The following ESRRB variants were observed in gnomAD, a reference collection of about 807,000 sequenced individuals.
ESRRB encodes the protein steroid hormone receptor ERR2.
ESRRB carries 16 observed loss-of-function variants against 46.0 expected under a neutral mutation model. The ratio of observed to expected loss-of-function variants is 0.35; its 90% confidence interval spans 0.24 to 0.53. The LOEUF is 0.53. Among genes scored for constraint, ESRRB ranks in the 20% least tolerant of loss-of-function variants. ESRRB has a pLI of 0.93. For synonymous variants in ESRRB, 246 were observed against 259.6 expected (o/e 0.95, Z 0.50); for missense variants, 488 against 607.4 (o/e 0.80, Z 2.07).
chr14:76,379,923 A>G (rs528938475), intron 1 of ESRRB, among the ~76,000 whole-genome samples: 103 of 150,172 alleles, frequency 6.9e-4, no homozygotes, highest in African/African-American at 2.4e-3. Flanking sequence ...TTTTTATTCT[A>G]TTGATTTGGA....
chr14:76,314,998 G>C (rs1327398071), intron 1 of ESRRB, among the ~76,000 whole-genome samples: 5 of 151,968 alleles, frequency 3.3e-5, no homozygotes, highest in Non-Finnish European at 5.9e-5. Flanking sequence ...GTTTCACGTG[G>C]GCCTTTTTTC....
chr14:76,337,337 C>T (rs1052978912), intron 1 of ESRRB, among the ~76,000 whole-genome samples: 3 of 152,036 alleles, frequency 2.0e-5, no homozygotes, highest in African/African-American at 4.8e-5. Context: ...TTGGAGCTGC[C>T]GTGGGTGTTG....
In ESRRB at chr14:76,376,396, G is replaced by GGACT. The variant is rs2139789372; in HGVS notation, c.-3_1dup. ...TCTACCAACTGGGAATGCTAAAACG[G>GGACT]GACTGATGGACGTGTCCGAACTCTG... On this transcript the variant is annotated 5_prime_UTR_variant, in exon 1 of 7. It introduces an in-frame stop codon into an upstream open reading frame of the 5' UTR. Coordinates refer to ENST00000644823, the MANE Select transcript of ESRRB (RefSeq NM_001379180.1). The surrounding 1 kb of genome is among the most constrained non-coding windows in gnomAD (Gnocchi z 4.1). 2 of 1,231,648 alleles carry GGACT rather than the reference G, an allele frequency of 1.6e-6. No individual in the cohort carries two copies. Among genetic ancestry groups the GGACT allele is most frequent in the South Asian group, 8.2e-5 (2 of 24,310 alleles). The allele number at this position is 1,231,648 out of a possible 1,614,324, so 76.3% of individuals were successfully genotyped here.
At chr14:76,352,814 C>A (rs1026059915) in intron 1 of ESRRB, among the ~76,000 whole-genome samples, 1 of 152,250 alleles carries the variant, frequency 6.6e-6, no homozygotes, top group Non-Finnish European at 1.5e-5. Context: ...GAACTCCGGG[C>A]TTTCTGGGAA....
intron 3 of ESRRB, among the ~76,000 whole-genome samples, chr14:76,474,857 T>C (rs990005984): frequency 3.4e-5 from 5 of 146,996 alleles, no homozygotes; most frequent in Non-Finnish European, 7.5e-5. Flanking sequence ...AAACAAACCA[T>C]TATGTAATCA....
At position 76,500,229 on chromosome 14, in the gene ESRRB, T is replaced by C. The variant is rs936483836; in HGVS notation, c.*1771T>C. ...AAACTGCAGAGCAGCTCTCTGATGGTGTCCCACACAGAAAATGTTAAGGAT... is the reference window on the plus strand; with the variant it reads ...AAACTGCAGAGCAGCTCTCTGATGGCGTCCCACACAGAAAATGTTAAGGAT... On this transcript the variant is annotated 3_prime_UTR_variant, in exon 7 of 7. Coordinates refer to ENST00000644823, the MANE Select transcript of ESRRB (RefSeq NM_001379180.1). 4.2e-5 allele frequency: 26 copies of C among 625,724 alleles called. No individual in the cohort carries two copies. Among genetic ancestry groups the C allele is most frequent in the Non-Finnish European group, 5.6e-6 (2 of 356,794 alleles). 38.8% of individuals were successfully genotyped at this position (625,724 alleles called of 1,614,324 possible).
chr14:76,369,187 A>T (rs1884562432), upstream of ESRRB, among the ~76,000 whole-genome samples: 1 of 127,126 alleles, frequency 7.9e-6, no homozygotes, highest in Non-Finnish European at 1.9e-5. Flanking sequence ...CATCTCAAAA[A>T]AAAGAAAAAA....
rs113701359 is a variant in ESRRB, at chr14:76,310,907, C to T, written c.-8C>T. 1,612 of 454,546 alleles carry T rather than the reference C, an allele frequency of 3.5e-3. 21 individuals are homozygous for T. Among genetic ancestry groups the T allele is most frequent in the African/African-American group, 0.024 (1,182 of 49,834 alleles). 28.2% of individuals were successfully genotyped at this position (454,546 alleles called of 1,614,324 possible). A position where few individuals can be genotyped will look rare whatever the true frequency, so the allele number is the denominator to read the frequency against. The stretch of plus-strand genomic sequence containing the variant: ...GCCCAGTCCTCGTCCTCCACGCCAG[C>T]CCCAAGCATGTGAGTAACCCAACTT... On this transcript the variant is annotated 5_prime_UTR_variant, in exon 1 of 7. Coordinates refer to the ESRRB transcript ENST00000512784.
chr14:76,379,860 C>A (rs1278882741), intron 1 of ESRRB, among the ~76,000 whole-genome samples: 256 of 126,838 alleles, frequency 2.0e-3, no homozygotes, highest in African/African-American at 2.3e-3. Context: ...AGATCTGTTC[C>A]AAAAAAAAAA....
upstream of ESRRB, among the ~76,000 whole-genome samples, chr14:76,373,482 TG>T (rs1884671731): frequency 6.6e-6 from 1 of 152,100 alleles, no homozygotes; most frequent in Non-Finnish European, 1.5e-5. Flanking sequence ...ACCCTGGCTT[TG>T]GGAAGGAATC....
chr14:76,496,360 ACT>A (rs1397535659), intron 6 of ESRRB, among the ~76,000 whole-genome samples: 2 of 152,068 alleles, frequency 1.3e-5, no homozygotes, highest in African/African-American at 4.8e-5. Context: ...GGGGAGGTAG[ACT>A]CTGAGTGGGG....
chr14:76,483,804 G>C (rs1889900029), intron 5 of ESRRB, among the ~76,000 whole-genome samples: 1 of 152,200 alleles, frequency 6.6e-6, no homozygotes, highest in South Asian at 2.1e-4. Flanking sequence ...GATTACAGCA[G>C]ACGATACAGC....
intron 3 of ESRRB, among the ~76,000 whole-genome samples, chr14:76,474,481 C>CTAAAATGCCA (rs1889495400): frequency 6.6e-6 from 1 of 152,200 alleles, no homozygotes; most frequent in African/African-American, 2.4e-5. Flanking sequence ...AAATATACGT[C>CTAAAATGCCA]AAGTACAACT....
intron 1 of ESRRB, chr14:76,407,557 A>C (rs765198344): frequency 4.1e-6 from 4 of 985,740 alleles, no homozygotes; most frequent in Non-Finnish European, 4.8e-6. Context: ...GAGGTGATCC[A>C]GTGATTTGGG....
At chr14:76,413,830 C>T (rs1311634564) in intron 1 of ESRRB, among the ~76,000 whole-genome samples, 1 of 148,532 alleles carries the variant, frequency 6.7e-6, no homozygotes, top group African/African-American at 2.5e-5. Context: ...CGCACCGTCC[C>T]CCACCCCGTA....
intron 3 of ESRRB, among the ~76,000 whole-genome samples, chr14:76,475,089 C>G (rs1056896068): frequency 6.6e-6 from 1 of 151,826 alleles, no homozygotes; most frequent in East Asian, 1.9e-4. Context: ...AAAAAATTAT[C>G]TGGGTGTCAT....
chr14:76,501,460 A>G lies in ESRRB; in HGVS notation c.*3002A>G, dbSNP rs1322900549. 6.6e-6 allele frequency: 1 copy of G among 151,418 alleles called. No homozygotes were observed. The highest frequency in any genetic ancestry group is 2.5e-5 in the African/African-American group (1 of 40,804). The allele number at this position is 151,418 out of a possible 1,614,324, so 9.4% of individuals were successfully genotyped here. A position where few individuals can be genotyped will look rare whatever the true frequency, so the allele number is the denominator to read the frequency against. On this transcript the variant is annotated 3_prime_UTR_variant, in exon 7 of 7. Transcript: ENST00000644823. Reference sequence around the variant, plus strand: ...GCGCCTTAGAGGAGCTGGAACCTGCACCCACCTGTGTCGGTGGGGGGGGCC... The same window carrying G: ...GCGCCTTAGAGGAGCTGGAACCTGCGCCCACCTGTGTCGGTGGGGGGGGCC...
chr14:76,445,622 C>T (rs1173952222), intron 2 of ESRRB, among the ~76,000 whole-genome samples: 1 of 150,974 alleles, frequency 6.6e-6, no homozygotes, highest in African/African-American at 2.4e-5. Flanking sequence ...TTTGCAGAAA[C>T]AAAGATGTCA....
rs79561220 is a variant in ESRRB, at chr14:76,332,162, G to A, written c.2+21246G>A. Among the ~76,000 whole-genome samples, 225 of 151,878 alleles carry A rather than the reference G, an allele frequency of 1.5e-3. 2 individuals are homozygous for A. The highest frequency in any genetic ancestry group is 5.0e-3 in the African/African-American group (208 of 41,386). On this transcript the variant is annotated intron_variant, in intron 1 of 6. Coordinates refer to the ESRRB transcript ENST00000512784. ...GTTGCCTCTCTCTTGGGATGGAGAA[G>A]CCCTCCCTGCAGAGGTGACATGTAA...
Sources: gnomAD v4.1 joint callset for allele counts (sites outside exome capture counted in the v4.1 genomes callset) on GRCh38, gnomAD v4.1.1 for gene constraint, Gnocchi (gnomAD v3.1) non-coding constraint, MANE v1.5 for transcripts, NCBI Gene and HGNC (gene_info 2026-07-23, HGNC 2026-07-21) for gene names.